The following LDLRAD3 variants were observed in gnomAD, a reference collection of about 807,000 sequenced individuals.
LDLRAD3 encodes low-density lipoprotein receptor class A domain-containing protein 3.
Under a neutral mutation model 29.4 loss-of-function variants are expected in LDLRAD3, and 20 were observed. That is an observed-to-expected ratio of 0.68 (90% CI 0.48 to 0.99). The LOEUF (loss-of-function observed/expected upper bound fraction) is 0.99, where lower values mean the gene tolerates loss of function less well. Ranked by LOEUF, LDLRAD3 falls within the 50% of genes least tolerant of loss-of-function variation. The probability of loss-of-function intolerance (pLI) is 0.00; values close to 1 mark genes in which losing one functional copy is unlikely to be tolerated. For missense variants in LDLRAD3, 420 were observed against 454.3 expected, an observed-to-expected ratio of 0.92 and a Z score of 0.69; for synonymous variants, 157 against 192.7, an observed-to-expected ratio of 0.81 and a Z score of 1.53.
intron 4 of LDLRAD3, chr11:36,110,185 C>T (rs1347062512): frequency 2.6e-5 from 4 of 152,204 alleles, no homozygotes; most frequent in East Asian, 3.8e-4. Context: ...ATTTCTGAAA[C>T]GTCTTTCATT....
intron 1 of LDLRAD3, among the ~76,000 whole-genome samples, chr11:36,029,898 C>T (rs1683142888): frequency 6.6e-6 from 1 of 152,212 alleles, no homozygotes; most frequent in Non-Finnish European, 1.5e-5. Flanking sequence ...TGGCTCCATC[C>T]ATCAGTTGTT....
intron 1 of LDLRAD3, among the ~76,000 whole-genome samples, chr11:35,978,416 C>G (rs956005873): frequency 6.6e-6 from 1 of 152,214 alleles, no homozygotes; most frequent in Non-Finnish European, 1.5e-5. Flanking sequence ...CTGTTTGTGA[C>G]ATTGTGTAAC....
chr11:35,968,662 A>G (rs1365596664), intron 1 of LDLRAD3: 1 of 158,890 alleles, frequency 6.3e-6, no homozygotes, highest in African/African-American at 2.4e-5. Context: ...CCAAACAGGA[A>G]AAGCTTAATT....
intron 1 of LDLRAD3, among the ~76,000 whole-genome samples, chr11:36,032,455 C>A (rs1208804141): frequency 6.6e-6 from 1 of 152,148 alleles, no homozygotes; most frequent in Non-Finnish European, 1.5e-5. Context: ...TAAAATCTCA[C>A]TCTGTGTGAA....
intron 1 of LDLRAD3, among the ~76,000 whole-genome samples, chr11:35,948,689 G>T (rs1213929757): frequency 6.6e-6 from 1 of 152,086 alleles, no homozygotes; most frequent in Non-Finnish European, 1.5e-5. Context: ...TTGGTCGGGG[G>T]AGAGCAAAAG....
At chr11:36,133,353 CCTTTCTTTTCTTTTCTTTT>C (rs1853955326) in intron 4 of LDLRAD3, among the ~76,000 whole-genome samples, 1 of 48,066 alleles carries the variant, frequency 2.1e-5, no homozygotes, top group South Asian at 1.0e-3. Context: ...ATTTTCTTTT[CCTTTCTTTTCTTTTCTTTT>C]CTTTTCTTTT....
intron 1 of LDLRAD3, among the ~76,000 whole-genome samples, chr11:35,970,251 T>C (rs1461904523): frequency 2.0e-5 from 3 of 152,204 alleles, no homozygotes; most frequent in African/African-American, 4.8e-5. Flanking sequence ...TCTTGACATA[T>C]GTAATTCGTT....
chr11:35,950,822 G>A (rs1439071013), intron 1 of LDLRAD3, among the ~76,000 whole-genome samples: 1 of 152,180 alleles, frequency 6.6e-6, no homozygotes, highest in Non-Finnish European at 1.5e-5. Context: ...AGTGACTCAT[G>A]CCTGTAATCC....
intron 1 of LDLRAD3, among the ~76,000 whole-genome samples, chr11:36,024,970 G>A (rs189002575): frequency 2.0e-3 from 301 of 152,326 alleles, no homozygotes; most frequent in Non-Finnish European, 3.5e-3. Context: ...AGTAAGTTTG[G>A]TGGGTAAATC....
At chr11:35,985,843 C>CT (rs112760228) in intron 1 of LDLRAD3, among the ~76,000 whole-genome samples, 6,174 of 144,120 alleles carry the variant, frequency 0.043, 406 homozygotes, top group African/African-American at 0.14. Context: ...TCCATTAAGC[C>CT]TTTTTTTTTT....
intron 2 of LDLRAD3, among the ~76,000 whole-genome samples, chr11:36,078,353 G>A (rs890908483): frequency 2.6e-5 from 4 of 152,182 alleles, no homozygotes; most frequent in African/African-American, 9.6e-5. Flanking sequence ...GCACCTGCAG[G>A]GCAGTGCCAA....
At chr11:36,007,977 A>C (rs11033374) in intron 1 of LDLRAD3, among the ~76,000 whole-genome samples, 67,900 of 151,978 alleles carry the variant, frequency 0.45, 15,431 homozygotes, top group South Asian at 0.6. Flanking sequence ...AATCCCAGAC[A>C]CTCAGTTTAC....
At chr11:35,985,810 C>T (rs1386423357) in intron 1 of LDLRAD3, among the ~76,000 whole-genome samples, 1 of 152,000 alleles carries the variant, frequency 6.6e-6, no homozygotes, top group Non-Finnish European at 1.5e-5. Context: ...TGTGAGGCCT[C>T]CCCAGCCATG....
At chr11:36,084,651 A>G (rs1853169512) in intron 3 of LDLRAD3, among the ~76,000 whole-genome samples, 1 of 152,244 alleles carries the variant, frequency 6.6e-6, no homozygotes, top group Non-Finnish European at 1.5e-5. Context: ...TAATAGAAGA[A>G]TAAAGAAATT....
intron 4 of LDLRAD3, among the ~76,000 whole-genome samples, chr11:36,185,213 G>C (rs1854828880): frequency 6.6e-6 from 1 of 152,054 alleles, no homozygotes; most frequent in African/African-American, 2.4e-5. Flanking sequence ...TAGTTGGGTA[G>C]AATATTTTAC....
At chr11:36,019,831 A>C (rs559365872) in intron 1 of LDLRAD3, among the ~76,000 whole-genome samples, 15 of 152,256 alleles carry the variant, frequency 9.9e-5, no homozygotes, top group African/African-American at 3.6e-4. Flanking sequence ...TGGATGGAGG[A>C]CTGGAGGCGT....
intron 4 of LDLRAD3, among the ~76,000 whole-genome samples, chr11:36,189,068 A>G (rs1027706348): frequency 2.1e-4 from 32 of 152,190 alleles, no homozygotes; most frequent in Admixed American, 1.6e-3. Flanking sequence ...GGTTTTTCAT[A>G]GAATTTGCAA....
intron 4 of LDLRAD3, among the ~76,000 whole-genome samples, chr11:36,192,973 C>G (rs552911764): frequency 2.0e-5 from 3 of 152,162 alleles, no homozygotes; most frequent in Admixed American, 2.0e-4. Context: ...CTTCCCTGAT[C>G]CTCCATTTTC....
intron 4 of LDLRAD3, among the ~76,000 whole-genome samples, chr11:36,210,841 G>A (rs1459733171): frequency 6.6e-6 from 1 of 152,208 alleles, no homozygotes; most frequent in Non-Finnish European, 1.5e-5. Flanking sequence ...GAACATTTCA[G>A]TAGCTTACTT....
Sources: allele counts gnomAD v4.1 joint callset (sites outside exome capture counted in the v4.1 genomes callset), GRCh38; gene constraint gnomAD v4.1.1; transcripts MANE v1.5; gene names NCBI Gene and HGNC (gene_info 2026-07-23, HGNC 2026-07-21).